The following PTPRK variants were observed in gnomAD, a reference collection of about 807,000 sequenced individuals.
PTPRK encodes receptor-type tyrosine-protein phosphatase kappa.
A neutral mutation model predicts 178.0 loss-of-function variants in PTPRK; 75 were observed. That is an observed-to-expected ratio of 0.42 (90% confidence interval 0.35 to 0.51). The LOEUF (loss-of-function observed/expected upper bound fraction) is 0.51. Ranked by LOEUF, PTPRK falls within the 20% of genes least tolerant of loss-of-function variation. PTPRK has a pLI of 0.02. For missense variants in PTPRK, 1,441 were observed against 1,797.8 expected (o/e 0.80, Z 3.59); for synonymous variants, 637 against 620.6 (o/e 1.03, Z -0.39).
intron 13 of PTPRK, among the ~76,000 whole-genome samples, chr6:128,030,916 C>A (rs1048576009): frequency 1.3e-5 from 2 of 152,148 alleles, no homozygotes; most frequent in Non-Finnish European, 2.9e-5. Flanking sequence ...CCATAGCATT[C>A]ATTTTTTTCC....
rs1446884520 is a variant in PTPRK at position 127,981,147 on chromosome 6, C to T, written c.3680G>A (p.Ser1227Asn). ...AAGAGCAGCATTGATGTAGTTACTG[C>T]TCTCCCCATCAATTGTAATTAAAAA... Reference protein sequence around the residue: ...LPFLITIDGESSNYINAALMD... With the variant: ...LPFLITIDGENSNYINAALMD... The change falls in exon 25 of 30, where the codon AGC becomes AAC. Residue 1227 changes from serine to asparagine, a missense_variant. Coordinates refer to ENST00000368226, the MANE Select transcript of PTPRK (RefSeq NM_002844.4). 2 of 1,613,852 alleles carry T rather than the reference C, an allele frequency of 1.2e-6. No homozygotes were observed. The highest frequency in any genetic ancestry group is 1.3e-5 in the African/African-American group (1 of 74,886).
intron 1 of PTPRK, among the ~76,000 whole-genome samples, chr6:128,435,111 AGG>A (rs1845410177): frequency 2.8e-5 from 2 of 72,032 alleles, no homozygotes; most frequent in African/African-American, 1.6e-4. Context: ...GAAGGAAGGC[AGG>A]AAGGCAGGCA....
chr6:128,390,249 AGAT>A (rs1437946181), intron 2 of PTPRK, among the ~76,000 whole-genome samples: 1 of 152,184 alleles, frequency 6.6e-6, no homozygotes, highest in African/African-American at 2.4e-5. Context: ...ATGAGACAGC[AGAT>A]AACATATGTG....
At chr6:128,097,525 G>C (rs1199901247) in intron 7 of PTPRK, among the ~76,000 whole-genome samples, 2 of 152,142 alleles carry the variant, frequency 1.3e-5, no homozygotes, top group Non-Finnish European at 2.9e-5. Context: ...CCAATAGATA[G>C]ATAAAGCCCA....
chr6:128,297,644 G>A (rs1824721698), intron 3 of PTPRK, among the ~76,000 whole-genome samples: 1 of 152,178 alleles, frequency 6.6e-6, no homozygotes, highest in Non-Finnish European at 1.5e-5. Context: ...ATAACAAAAT[G>A]AAGGCAGAAA....
intron 1 of PTPRK, among the ~76,000 whole-genome samples, chr6:128,493,072 A>G (rs1036346144): frequency 6.6e-6 from 1 of 152,224 alleles, no homozygotes; most frequent in African/African-American, 2.4e-5. Context: ...TATCTGGCAC[A>G]TGGTAGGCAC....
intron 3 of PTPRK, among the ~76,000 whole-genome samples, chr6:128,312,032 T>A (rs952070469): frequency 3.9e-5 from 6 of 152,196 alleles, no homozygotes; most frequent in African/African-American, 1.4e-4. Flanking sequence ...GGTTCAATGA[T>A]GTATGGACAC....
chr6:127,995,389 T>C (rs984278935), intron 18 of PTPRK, 73 bp downstream of exon 18: 6 of 1,492,968 alleles, frequency 4.0e-6, no homozygotes, highest in South Asian at 3.4e-5. Flanking sequence ...GCAATCACTT[T>C]ATAGGTAATA....
intron 7 of PTPRK, among the ~76,000 whole-genome samples, chr6:128,128,803 T>C (rs1002086257): frequency 6.6e-6 from 1 of 152,234 alleles, no homozygotes; most frequent in Non-Finnish European, 1.5e-5. Flanking sequence ...CATTCTTTTC[T>C]AATGCTAGAG....
chr6:128,174,852 G>A (rs1562726428), intron 7 of PTPRK, among the ~76,000 whole-genome samples: 2 of 146,910 alleles, frequency 1.4e-5, no homozygotes, highest in Admixed American at 6.7e-5. Context: ...GAGATGTTTT[G>A]TGCACATCTA....
chr6:128,321,921 G>T (rs1429171738), intron 3 of PTPRK, 118 bp downstream of exon 3: 3 of 1,303,594 alleles, frequency 2.3e-6, no homozygotes, highest in East Asian at 2.4e-5. Context: ...TAATGGGGGT[G>T]GGGGAGGCAA....
chr6:128,199,605 G>A (rs556014641), intron 6 of PTPRK, among the ~76,000 whole-genome samples: 1 of 151,570 alleles, frequency 6.6e-6, no homozygotes, highest in Non-Finnish European at 1.5e-5. Flanking sequence ...GGGAGGGAAA[G>A]GGTAGGGAAA....
At chr6:128,059,815 T>C (rs1234565117) in intron 13 of PTPRK, among the ~76,000 whole-genome samples, 1 of 152,200 alleles carries the variant, frequency 6.6e-6, no homozygotes. Context: ...CATTTCTCTC[T>C]ATATCCTAGC....
chr6:128,256,529 C>A (rs1583734860), intron 3 of PTPRK, among the ~76,000 whole-genome samples: 1 of 151,472 alleles, frequency 6.6e-6, no homozygotes, highest in Non-Finnish European at 1.5e-5. Flanking sequence ...CAACCTCCAA[C>A]TCCCGGGTTC....
At chr6:128,051,773 G>T (rs1779044061) in intron 13 of PTPRK, among the ~76,000 whole-genome samples, 2 of 152,052 alleles carry the variant, frequency 1.3e-5, no homozygotes, top group African/African-American at 4.8e-5. Flanking sequence ...TCTAGTTCCA[G>T]ACATTCTCCA....
intron 13 of PTPRK, among the ~76,000 whole-genome samples, chr6:128,050,795 C>T (rs1778869093): frequency 6.6e-6 from 1 of 152,174 alleles, no homozygotes; most frequent in African/African-American, 2.4e-5. Context: ...CCTTCCTCTG[C>T]CTCCCAAAGT....
At chr6:127,995,938 A>G (rs1213947819) in intron 17 of PTPRK, among the ~76,000 whole-genome samples, 1 of 152,100 alleles carries the variant, frequency 6.6e-6, no homozygotes, top group Non-Finnish European at 1.5e-5. Flanking sequence ...TGAATTTTGA[A>G]TTCCCGCTCT....
chr6:128,080,565 C>A (rs73584652), intron 10 of PTPRK, among the ~76,000 whole-genome samples: 1 of 151,864 alleles, frequency 6.6e-6, no homozygotes, highest in Non-Finnish European at 1.5e-5. Context: ...GCAGAAACAA[C>A]AAATATTAAT....
intron 7 of PTPRK, among the ~76,000 whole-genome samples, chr6:128,125,602 C>CTTTTT (rs869038931): frequency 2.9e-5 from 2 of 68,334 alleles, no homozygotes; most frequent in Non-Finnish European, 6.1e-5. Flanking sequence ...TTGGGCTTTT[C>CTTTTT]TTTTTTTTTT....
Sources: allele counts gnomAD v4.1 joint callset (sites outside exome capture counted in the v4.1 genomes callset), GRCh38; gene constraint gnomAD v4.1.1; transcripts MANE v1.5; gene names NCBI Gene and HGNC (gene_info 2026-07-23, HGNC 2026-07-21).